Variants in SLC16A10 observed in about 807,000 individuals in gnomAD.
SLC16A10 encodes monocarboxylate transporter 10.
A neutral mutation model predicts 40.0 loss-of-function variants in SLC16A10; 27 were observed. The ratio of observed to expected loss-of-function variants is 0.67; its 90% CI spans 0.50 to 0.93. SLC16A10 has a LOEUF of 0.93. Among genes scored for constraint, SLC16A10 ranks in the 40% least tolerant of loss-of-function variants. The pLI, the probability that SLC16A10 is intolerant of heterozygous loss-of-function variation, is 0.00. For missense variants in SLC16A10, 529 were observed against 658.2 expected (o/e 0.80, Z 2.15); for synonymous variants, 213 against 249.8 (o/e 0.85, Z 1.39).
At chr6:111,170,473 C>G (rs1188781981) in intron 1 of SLC16A10, among the ~76,000 whole-genome samples, 1 of 152,154 alleles carries the variant, frequency 6.6e-6, no homozygotes, top group Non-Finnish European at 1.5e-5. Context: ...TTTGAGAAAG[C>G]GTCTCGCTCA....
At chr6:111,128,242 A>G (rs1771712401) in intron 1 of SLC16A10, among the ~76,000 whole-genome samples, 1 of 152,186 alleles carries the variant, frequency 6.6e-6, no homozygotes, top group Non-Finnish European at 1.5e-5. Flanking sequence ...ACGAAGAGCC[A>G]GTTCCAAGCT....
intron 1 of SLC16A10, among the ~76,000 whole-genome samples, chr6:111,103,451 C>T (rs1771226282): frequency 1.3e-5 from 2 of 152,094 alleles, no homozygotes. Context: ...CTATTGACCT[C>T]AGGTGATCCA....
chr6:111,146,566 C>T (rs1220583895), intron 1 of SLC16A10, among the ~76,000 whole-genome samples: 1 of 152,048 alleles, frequency 6.6e-6, no homozygotes, highest in Non-Finnish European at 1.5e-5. Context: ...GAAACCCCAT[C>T]TCTACTAAAA....
intron 1 of SLC16A10, among the ~76,000 whole-genome samples, chr6:111,141,748 G>A (rs532707173): frequency 6.6e-4 from 100 of 152,082 alleles, no homozygotes; most frequent in Non-Finnish European, 1.3e-3. Flanking sequence ...CAGCAAAATA[G>A]GTATAAGAGA....
chr6:111,198,251 A>C (rs190957537), intron 3 of SLC16A10, among the ~76,000 whole-genome samples: 1 of 152,228 alleles, frequency 6.6e-6, no homozygotes, highest in African/African-American at 2.4e-5. Context: ...CTGCCACTGC[A>C]CTCCAGTCTG....
chr6:111,204,846 G>A (rs913223768), intron 3 of SLC16A10, among the ~76,000 whole-genome samples: 1 of 152,060 alleles, frequency 6.6e-6, no homozygotes, highest in Admixed American at 6.5e-5. Flanking sequence ...GATAATAATC[G>A]ACTGAAGTAT....
At chr6:111,148,851 G>A (rs562356319) in intron 1 of SLC16A10, among the ~76,000 whole-genome samples, 5 of 152,304 alleles carry the variant, frequency 3.3e-5, no homozygotes, top group African/African-American at 1.2e-4. Context: ...ACTCACGCCT[G>A]TAATCCCAGC....
At chr6:111,217,518 C>G (rs1048433018) in intron 4 of SLC16A10, among the ~76,000 whole-genome samples, 1 of 152,100 alleles carries the variant, frequency 6.6e-6, no homozygotes, top group African/African-American at 2.4e-5. Flanking sequence ...GGCATGATCT[C>G]GGCTCACTGC....
At chr6:111,134,436 GA>G (rs1197345904) in intron 1 of SLC16A10, among the ~76,000 whole-genome samples, 4 of 151,902 alleles carry the variant, frequency 2.6e-5, no homozygotes, top group Non-Finnish European at 5.9e-5. Context: ...GCAGATATTA[GA>G]AAAAAACTTC....
chr6:111,117,594 G>A (rs1771511487), intron 1 of SLC16A10, among the ~76,000 whole-genome samples: 1 of 152,078 alleles, frequency 6.6e-6, no homozygotes, highest in South Asian at 2.1e-4. Flanking sequence ...AACCCTTTGA[G>A]GGCATGAAGT....
Position 111,087,661 on chromosome 6 carries a change from A to T in SLC16A10, c.-92A>T. On this transcript the variant is annotated 5_prime_UTR_variant, in exon 1 of 6. Coordinates refer to ENST00000368851, the MANE Select transcript of SLC16A10 (RefSeq NM_018593.5). ...CCGCCGCCCTCGCCTCGGCCTCGTT[A>T]GCCCGCCAGGAGCCCCGCAGCTCCT... 1 of 744,808 alleles carries T rather than the reference A, an allele frequency of 1.3e-6. No homozygotes were observed. Among genetic ancestry groups the T allele is most frequent in the Non-Finnish European group, 1.8e-6 (1 of 557,696 alleles). 46.1% of individuals were successfully genotyped at this position (744,808 alleles called of 1,614,324 possible).
chr6:111,165,381 G>A (rs988156920), intron 1 of SLC16A10, among the ~76,000 whole-genome samples: 1 of 152,156 alleles, frequency 6.6e-6, no homozygotes, highest in Non-Finnish European at 1.5e-5. Flanking sequence ...ACAAAATGGA[G>A]AAAAGTAATT....
At chr6:111,146,571 C>T (rs1320836973) in intron 1 of SLC16A10, among the ~76,000 whole-genome samples, 2 of 151,916 alleles carry the variant, frequency 1.3e-5, no homozygotes, top group African/African-American at 4.8e-5. Context: ...CCCATCTCTA[C>T]TAAAAATACA....
intron 1 of SLC16A10, among the ~76,000 whole-genome samples, chr6:111,150,902 C>T (rs1041189462): frequency 6.6e-6 from 1 of 152,148 alleles, no homozygotes; most frequent in African/African-American, 2.4e-5. Context: ...TATTTTTGAT[C>T]TCCACAACAT....
At chr6:111,134,681 G>A (rs562570091) in intron 1 of SLC16A10, among the ~76,000 whole-genome samples, 16 of 152,126 alleles carry the variant, frequency 1.1e-4, no homozygotes, top group Non-Finnish European at 2.1e-4. Context: ...CGGTCTCAAG[G>A]ACACTTTAAA....
At chr6:111,158,970 G>A (rs534920713) in intron 1 of SLC16A10, among the ~76,000 whole-genome samples, 89 of 149,824 alleles carry the variant, frequency 5.9e-4, no homozygotes, top group African/African-American at 2.0e-3. Context: ...CTAGCTACTC[G>A]GGAGCCTGAG....
chr6:111,205,474 G>T (rs1020163832), intron 3 of SLC16A10, among the ~76,000 whole-genome samples: 10 of 152,168 alleles, frequency 6.6e-5, no homozygotes, highest in African/African-American at 2.4e-4. Flanking sequence ...ACACTAAGTG[G>T]AGGAGAAAGG....
At chr6:111,203,826 T>A (rs1038222198) in intron 3 of SLC16A10, among the ~76,000 whole-genome samples, 1 of 152,304 alleles carries the variant, frequency 6.6e-6, no homozygotes, top group African/African-American at 2.4e-5. Flanking sequence ...TTTATCTTCT[T>A]TCAAAATACC....
At chr6:111,097,533 C>T (rs12111001) in intron 1 of SLC16A10, among the ~76,000 whole-genome samples, 1,564 of 152,020 alleles carry the variant, frequency 0.01, 30 homozygotes, top group African/African-American at 0.036. Context: ...AGGCTGGTCT[C>T]GAACTCCTAA....
Sources: allele counts gnomAD v4.1 joint callset (sites outside exome capture counted in the v4.1 genomes callset), GRCh38; gene constraint gnomAD v4.1.1; transcripts MANE v1.5; gene names NCBI Gene and HGNC (gene_info 2026-07-23, HGNC 2026-07-21).